The following SNX29 variants were observed in gnomAD, a reference collection of about 807,000 sequenced individuals.
SNX29 encodes sorting nexin 29.
Under a neutral mutation model 102.1 loss-of-function variants are expected in SNX29, and 78 were observed. The ratio of observed to expected loss-of-function variants is 0.76; its 90% CI spans 0.64 to 0.92. The LOEUF (loss-of-function observed/expected upper bound fraction) is 0.92, where lower values mean the gene tolerates loss of function less well. Ranked by LOEUF, SNX29 falls within the 40% of genes least tolerant of loss-of-function variation. SNX29 has a pLI of 0.00. For synonymous variants in SNX29, 580 were observed against 414.5 expected (o/e 1.40, Z -4.85); for missense variants, 1,280 against 1,061.7 (o/e 1.21, Z -2.86).
chr16:12,088,254 G>A (rs548809444), intron 11 of SNX29: 2 of 390,820 alleles, frequency 5.1e-6, no homozygotes, highest in Non-Finnish European at 1.0e-5. Context: ...AGGCTGCAGC[G>A]GGACCGGCTC....
At chr16:12,187,514 C>T (rs1407429155) in intron 13 of SNX29, among the ~76,000 whole-genome samples, 1 of 151,682 alleles carries the variant, frequency 6.6e-6, no homozygotes, top group Non-Finnish European at 1.5e-5. Flanking sequence ...TGCCACTGCA[C>T]TCCAGCCTGG....
At chr16:12,179,522 C>T (rs925241085) in intron 13 of SNX29, among the ~76,000 whole-genome samples, 4 of 152,222 alleles carry the variant, frequency 2.6e-5, no homozygotes, top group Admixed American at 6.5e-5. Context: ...CTGTTTTCTT[C>T]CATTTTAAGA....
chr16:12,326,431 G>A (rs1297657843), intron 15 of SNX29, among the ~76,000 whole-genome samples: 1 of 151,804 alleles, frequency 6.6e-6, no homozygotes, highest in Admixed American at 6.6e-5. Context: ...TGAGTACTGG[G>A]CAAGTTGGCA....
chr16:12,521,389 G>A (rs2090094735), intron 19 of SNX29, among the ~76,000 whole-genome samples: 1 of 151,910 alleles, frequency 6.6e-6, no homozygotes, highest in African/African-American at 2.4e-5. Context: ...ATTTCTCCAG[G>A]GGCCTCTGGG....
intron 13 of SNX29, among the ~76,000 whole-genome samples, chr16:12,155,448 C>G (rs140729110): frequency 1.3e-5 from 2 of 152,240 alleles, no homozygotes; most frequent in African/African-American, 4.8e-5. Context: ...TGGTCATTAA[C>G]AAGTGGAGGA....
Position 12,291,221 on chromosome 16 carries a change from A to C in SNX29, c.1782+13185A>C, listed in dbSNP as rs561513939. Reference sequence around the variant, plus strand: ...CGGTGCTGATAAAGACATGCCCAAGACCGGGAAGAAAAAGAGGCTTAATGG... The same window carrying C: ...CGGTGCTGATAAAGACATGCCCAAGCCCGGGAAGAAAAAGAGGCTTAATGG... On this transcript the variant is annotated intron_variant, in intron 15 of 20. Coordinates refer to ENST00000566228, the MANE Select transcript of SNX29 (RefSeq NM_032167.5). Among the ~76,000 whole-genome samples, 3 of 152,152 alleles carry C rather than the reference A, an allele frequency of 2.0e-5. No individual in the cohort carries two copies. The South Asian group carries it at 6.2e-4, about 31-fold the overall frequency.
chr16:12,297,433 A>T (rs1251047428), intron 15 of SNX29: 1 of 152,220 alleles, frequency 6.6e-6, no homozygotes, highest in Non-Finnish European at 1.5e-5. Flanking sequence ...ACACAGAAAT[A>T]ATGACTGCCC....
intron 15 of SNX29, among the ~76,000 whole-genome samples, chr16:12,294,646 G>A (rs113932437): frequency 6.6e-6 from 1 of 152,160 alleles, no homozygotes; most frequent in African/African-American, 2.4e-5. Flanking sequence ...GGGGAGCACA[G>A]TTCCTCTCTG....
chr16:12,516,668 C>G lies in SNX29; in HGVS notation c.2179-8034C>G, dbSNP rs1249136835. Among the ~76,000 whole-genome samples the G allele has an allele frequency of 4.6e-5, 7 of 152,212 alleles. No individual in the cohort carries two copies. The South Asian group carries it at 1.5e-3, about 32-fold the overall frequency. ...GCCTGCTACTCCCGATAGACAAGACCTTTTTATTTTACAAAATACCTTGAT... is the reference window on the plus strand; with the variant it reads ...GCCTGCTACTCCCGATAGACAAGACGTTTTTATTTTACAAAATACCTTGAT... On this transcript the variant is annotated intron_variant, in intron 19 of 20. Coordinates refer to ENST00000566228, the MANE Select transcript of SNX29 (RefSeq NM_032167.5).
At chr16:12,174,700 G>A (rs1461551820) in intron 13 of SNX29, among the ~76,000 whole-genome samples, 1 of 152,198 alleles carries the variant, frequency 6.6e-6, no homozygotes, top group Admixed American at 6.5e-5. Flanking sequence ...TATTTTCCAC[G>A]TGATAATGCT....
At chr16:12,244,658 G>A (rs993548424) in intron 14 of SNX29, among the ~76,000 whole-genome samples, 1 of 152,078 alleles carries the variant, frequency 6.6e-6, no homozygotes, top group Non-Finnish European at 1.5e-5. Flanking sequence ...AGGGTTTCTT[G>A]TGTGCTTCCT....
At chr16:12,328,132 G>T (rs757713753) in intron 15 of SNX29, among the ~76,000 whole-genome samples, 1 of 152,204 alleles carries the variant, frequency 6.6e-6, no homozygotes, top group Admixed American at 6.5e-5. Flanking sequence ...GTCGTGGGAA[G>T]ATTGAGAATC....
intron 1 of SNX29, among the ~76,000 whole-genome samples, chr16:11,978,571 G>C (rs1262338808): frequency 2.6e-5 from 4 of 152,160 alleles, no homozygotes; most frequent in Admixed American, 2.6e-4. Flanking sequence ...GCTCATGTGG[G>C]GTAGGAGTGG....
intron 13 of SNX29, among the ~76,000 whole-genome samples, chr16:12,167,533 G>T (rs2076045003): frequency 6.6e-6 from 1 of 152,144 alleles, no homozygotes; most frequent in South Asian, 2.1e-4. Flanking sequence ...ACCATTAATT[G>T]CCCAGGGTTG....
chr16:12,487,590 G>C (rs533661753), intron 19 of SNX29, among the ~76,000 whole-genome samples: 10 of 152,128 alleles, frequency 6.6e-5, no homozygotes, highest in Admixed American at 2.6e-4. Context: ...AGCCGCACAC[G>C]TCCATGCCCA....
At chr16:12,196,857 G>A (rs1470697994) in intron 13 of SNX29, among the ~76,000 whole-genome samples, 4 of 152,174 alleles carry the variant, frequency 2.6e-5, no homozygotes, top group Non-Finnish European at 4.4e-5. Context: ...TTGGCCTCAC[G>A]TGATCCACCC....
chr16:12,345,101 G>A (rs896581228), intron 15 of SNX29, among the ~76,000 whole-genome samples: 3 of 152,346 alleles, frequency 2.0e-5, no homozygotes, highest in Admixed American at 1.3e-4. Context: ...CAAGTGTCTG[G>A]TGTTGTCAGT....
chr16:12,512,649 A>G (rs1350746181), intron 19 of SNX29, among the ~76,000 whole-genome samples: 3 of 151,762 alleles, frequency 2.0e-5, no homozygotes, highest in Non-Finnish European at 4.4e-5. Flanking sequence ...CAGGCGGTTG[A>G]TGGATTCTCT....
chr16:12,317,650 C>A (rs182076757), intron 15 of SNX29, among the ~76,000 whole-genome samples: 46 of 152,340 alleles, frequency 3.0e-4, no homozygotes, highest in African/African-American at 1.1e-3. Flanking sequence ...TAATTAACAC[C>A]TGACATCAGC....
Sources: allele counts gnomAD v4.1 joint callset (sites outside exome capture counted in the v4.1 genomes callset), GRCh38; gene constraint gnomAD v4.1.1; transcripts MANE v1.5; gene names NCBI Gene and HGNC (gene_info 2026-07-23, HGNC 2026-07-21).